The following MAP4 variants were observed in gnomAD, a reference collection of about 807,000 sequenced individuals.
The protein encoded by MAP4 is microtubule associated protein 4.
A neutral mutation model predicts 170.2 loss-of-function variants in MAP4; 76 were observed. That is an observed-to-expected ratio of 0.45 (90% CI 0.37 to 0.54). MAP4 has a LOEUF of 0.54. Ranked by LOEUF, MAP4 falls within the 20% of genes least tolerant of loss-of-function variation. The pLI is 0.00. For missense variants in MAP4, 2,506 were observed against 2,748.0 expected (o/e 0.91, Z 1.97); for synonymous variants, 909 against 994.5 (o/e 0.91, Z 1.62).
At chr3:48,087,525 A>C (rs1458144866) in intron 1 of MAP4, among the ~76,000 whole-genome samples, 2 of 152,036 alleles carry the variant, frequency 1.3e-5, no homozygotes, top group African/African-American at 4.8e-5. Context: ...AGCCAAGCTG[A>C]CGGCACCCTG....
chr3:47,974,180 C>G (rs1559661418), intron 3 of MAP4: 2 of 936,658 alleles, frequency 2.1e-6, no homozygotes, highest in Non-Finnish European at 2.5e-6. Context: ...AATCCCAGCA[C>G]TTTGGGTGGC....
intron 1 of MAP4, among the ~76,000 whole-genome samples, chr3:48,056,212 T>TG (rs1161285484): frequency 2.6e-4 from 19 of 72,818 alleles, no homozygotes; most frequent in East Asian, 2.1e-3. Flanking sequence ...GGGAGGGAGG[T>TG]GGGGGGGTCA....
At chr3:47,913,569 TTATAA>T (rs1221873337) in intron 8 of MAP4, among the ~76,000 whole-genome samples, 1 of 152,184 alleles carries the variant, frequency 6.6e-6, no homozygotes, top group African/African-American at 2.4e-5. Flanking sequence ...TTCATTCAGG[TTATAA>T]TATAATAATT....
At chr3:47,890,419 AAGAACAC>A (rs1366150196) in intron 10 of MAP4, among the ~76,000 whole-genome samples, 3 of 152,172 alleles carry the variant, frequency 2.0e-5, no homozygotes, top group Non-Finnish European at 2.9e-5. Context: ...GTCAAACATG[AAGAACAC>A]AGAAAGAATA....
In MAP4 at chr3:47,916,011, G is replaced by A. The variant is rs1187312233; in HGVS notation, c.1816C>T (p.His606Tyr). 2 of 1,614,082 alleles carry A rather than the reference G, an allele frequency of 1.2e-6. No homozygotes were observed. ...QTQKGISEDS[H>Y]LESLQDVGQS... is the part of the protein sequence containing the mutation. Reference sequence around the variant, plus strand: ...CCCACATCCTGCAGAGATTCTAAATGGGAATCCTCACTTATTCCTTTTTGT... The same window carrying A: ...CCCACATCCTGCAGAGATTCTAAATAGGAATCCTCACTTATTCCTTTTTGT... Residue 606 changes from histidine (H) to tyrosine (Y), a missense_variant, in exon 7 of 21, where the codon CAT (histidine) becomes TAT (tyrosine). By Grantham distance (83) the His-to-Tyr change is moderately conservative. Around this residue, in one of 3 missense-constraint regions of MAP4, gnomAD observed 2,008 missense variants for 2,206.0 expected, o/e 0.91. Transcript: ENST00000683076.
chr3:47,891,802 C>A (rs1436349628), intron 10 of MAP4: 1 of 1,536,226 alleles, frequency 6.5e-7, no homozygotes, highest in South Asian at 1.2e-5. Flanking sequence ...GGAGTGGGGA[C>A]TCACACTTCA....
intron 1 of MAP4, among the ~76,000 whole-genome samples, chr3:48,085,192 A>T (rs944641522): frequency 7.9e-4 from 106 of 134,860 alleles, no homozygotes; most frequent in African/African-American, 2.8e-3. Flanking sequence ...CTTAATCTTT[A>T]AAAAAAAAAA....
chr3:47,987,314 A>G (rs1019278108), intron 2 of MAP4: 2 of 1,186,226 alleles, frequency 1.7e-6, no homozygotes, highest in African/African-American at 3.1e-5. Context: ...TAAGATAACA[A>G]ATAGCTTAAT....
intron 1 of MAP4, among the ~76,000 whole-genome samples, chr3:48,000,445 G>A (rs2100098520): frequency 6.6e-6 from 1 of 152,104 alleles, no homozygotes; most frequent in Admixed American, 6.5e-5. Context: ...CAATGTAATG[G>A]CCACTACTTG....
At chr3:47,968,168 T>C (rs903512239) in intron 3 of MAP4, among the ~76,000 whole-genome samples, 2 of 152,206 alleles carry the variant, frequency 1.3e-5, no homozygotes, top group African/African-American at 2.4e-5. Context: ...ATAATAATTG[T>C]TGGATACTGC....
chr3:48,011,958 TGAAACCCGAACTTTAATCCG>T (rs2100105513), intron 1 of MAP4, among the ~76,000 whole-genome samples: 1 of 152,184 alleles, frequency 6.6e-6, no homozygotes, highest in Non-Finnish European at 1.5e-5. Context: ...GGGTCCTCAG[TGAAACCCGAACTTTAATCCG>T]GAAACTGTCC....
At chr3:47,983,439 T>G (rs1205254814) in intron 2 of MAP4, among the ~76,000 whole-genome samples, 1 of 152,052 alleles carries the variant, frequency 6.6e-6, no homozygotes, top group Non-Finnish European at 1.5e-5. Flanking sequence ...CAGGCTGGAG[T>G]GCAGTGGCAC....
At chr3:47,868,783 T>C (rs2085288199) in intron 16 of MAP4, among the ~76,000 whole-genome samples, 2 of 152,188 alleles carry the variant, frequency 1.3e-5, no homozygotes, top group Admixed American at 6.5e-5. Context: ...AGCAGCGTTA[T>C]GAGAGGGATC....
intron 1 of MAP4, among the ~76,000 whole-genome samples, chr3:48,030,510 G>C (rs929879447): frequency 3.3e-5 from 5 of 150,966 alleles, no homozygotes; most frequent in African/African-American, 1.2e-4. Context: ...AACGATAGGG[G>C]TAAGTTGGCC....
chr3:48,003,868 G>A (rs2100100710), intron 1 of MAP4, among the ~76,000 whole-genome samples: 1 of 152,024 alleles, frequency 6.6e-6, no homozygotes, highest in South Asian at 2.1e-4. Context: ...CATAAAGCAG[G>A]CAGAAAAATA....
chr3:47,873,485 G>A (rs1458722818), intron 12 of MAP4, among the ~76,000 whole-genome samples: 4 of 152,194 alleles, frequency 2.6e-5, no homozygotes, highest in African/African-American at 7.2e-5. Context: ...GCAGGATATC[G>A]TTAAATGGAA....
Position 47,916,059 on chromosome 3 carries a change from T to G in MAP4, c.1768A>C (p.Lys590Gln). ...SETEATPVPI[K>Q]DMEIAQTQKG... ...TGTGTTTGTGCAATTTCCATGTCTT[T>G]AATTGGAACTGGTGTTGCCTCTGTT... Residue 590 changes from lysine (K) to glutamine (Q), a missense_variant, in exon 7 of 21, where the codon AAA becomes CAA. Lys to Gln is a moderately conservative substitution (Grantham distance 53). This residue lies in a region of MAP4 where 2,008 missense variants were observed against 2,206.0 expected (regional missense o/e 0.91). Transcript: ENST00000683076. The G allele has an allele frequency of 6.2e-7, 1 of 1,614,256 alleles. No individual in the cohort carries two copies. The highest frequency in any genetic ancestry group is 8.5e-7 in the Non-Finnish European group (1 of 1,180,048).
At chr3:48,023,187 G>T (rs1201621468) in intron 1 of MAP4, among the ~76,000 whole-genome samples, 1 of 151,878 alleles carries the variant, frequency 6.6e-6, no homozygotes, top group African/African-American at 2.4e-5. Flanking sequence ...AACAGGGGAG[G>T]GGAGCAGTTT....
chr3:48,056,615 T>TG (rs1187791155), intron 1 of MAP4, among the ~76,000 whole-genome samples: 3 of 104,394 alleles, frequency 2.9e-5, no homozygotes, highest in Non-Finnish European at 5.6e-5. Context: ...GGGAGGGAGG[T>TG]GGGGGGGTCA....
Sources: allele counts gnomAD v4.1 joint callset (sites outside exome capture counted in the v4.1 genomes callset), GRCh38; gene constraint gnomAD v4.1.1; regional missense constraint gnomAD v4.1.1; transcripts MANE v1.5; gene names NCBI Gene and HGNC (gene_info 2026-07-23, HGNC 2026-07-21).